The following GRIK4 variants were observed in gnomAD, a reference collection of about 807,000 sequenced individuals.
The protein encoded by GRIK4 is glutamate receptor ionotropic, kainate 4.
GRIK4 carries 40 observed loss-of-function variants against 104.9 expected under a neutral mutation model. That is an observed-to-expected ratio of 0.38 (90% CI 0.30 to 0.50). The LOEUF (loss-of-function observed/expected upper bound fraction) is 0.50, where lower values mean the gene tolerates loss of function less well. Among genes scored for constraint, GRIK4 ranks in the 20% least tolerant of loss-of-function variants. The pLI, the probability that GRIK4 is intolerant of heterozygous loss-of-function variation, is 0.93. For synonymous variants in GRIK4, 485 were observed against 524.9 expected (o/e 0.92, Z 1.04); for missense variants, 1,047 against 1,308.1 (o/e 0.80, Z 3.08).
intron 1 of GRIK4, among the ~76,000 whole-genome samples, chr11:120,570,582 G>C (rs1206338031): frequency 6.6e-6 from 1 of 152,044 alleles, no homozygotes; most frequent in Admixed American, 6.6e-5. Flanking sequence ...TCAGCCTCCC[G>C]AGTAGCTGGG....
chr11:120,708,963 C>T (rs1473272316), intron 3 of GRIK4, among the ~76,000 whole-genome samples: 2 of 152,148 alleles, frequency 1.3e-5, no homozygotes, highest in African/African-American at 4.8e-5. Context: ...TAACCTTTAC[C>T]TGGTCTGGCC....
intron 1 of GRIK4, among the ~76,000 whole-genome samples, chr11:120,649,655 G>T (rs2000872): frequency 2.6e-5 from 4 of 151,918 alleles, no homozygotes; most frequent in African/African-American, 7.3e-5. Context: ...AGGCTGAGAA[G>T]CCCAGCTCTT....
At chr11:120,949,097 A>C (rs1943937100) in intron 14 of GRIK4, among the ~76,000 whole-genome samples, 2 of 152,192 alleles carry the variant, frequency 1.3e-5, no homozygotes, top group Admixed American at 1.3e-4. Flanking sequence ...TTCTTCCGAG[A>C]ATGTCATTTC....
At chr11:120,578,438 G>T (rs1948516641) in intron 1 of GRIK4, among the ~76,000 whole-genome samples, 1 of 152,160 alleles carries the variant, frequency 6.6e-6, no homozygotes, top group Non-Finnish European at 1.5e-5. Context: ...ACACCAAGAG[G>T]TTCTGCCACA....
At chr11:120,620,955 C>T (rs1021409203) in intron 1 of GRIK4, among the ~76,000 whole-genome samples, 2 of 152,174 alleles carry the variant, frequency 1.3e-5, no homozygotes, top group African/African-American at 4.8e-5. Flanking sequence ...AGTCACTTGC[C>T]CACGATCATG....
chr11:120,752,545 C>G (rs1229584220), intron 3 of GRIK4, among the ~76,000 whole-genome samples: 1 of 152,232 alleles, frequency 6.6e-6, no homozygotes, highest in Non-Finnish European at 1.5e-5. Flanking sequence ...TTCTCACAGT[C>G]AAAGAGAGTT....
intron 1 of GRIK4, among the ~76,000 whole-genome samples, chr11:120,596,735 T>A (rs549245816): frequency 6.6e-6 from 1 of 151,926 alleles, no homozygotes. Context: ...TGTTTTTGTT[T>A]TTTTTTTTAG....
At chr11:120,854,416 C>T (rs1004565700) in intron 8 of GRIK4, among the ~76,000 whole-genome samples, 2 of 152,194 alleles carry the variant, frequency 1.3e-5, no homozygotes, top group African/African-American at 2.4e-5. Context: ...TGGGTGCAAG[C>T]GTTAACACTT....
intron 12 of GRIK4, among the ~76,000 whole-genome samples, chr11:120,899,776 C>T (rs1316375735): frequency 6.6e-6 from 1 of 152,146 alleles, no homozygotes; most frequent in African/African-American, 2.4e-5. Flanking sequence ...AGCACTTTTC[C>T]CTGCCTGGCC....
chr11:120,609,278 C>CT (rs781650048), intron 1 of GRIK4, among the ~76,000 whole-genome samples: 176 of 144,414 alleles, frequency 1.2e-3, no homozygotes, highest in African/African-American at 1.7e-3. Context: ...CTGTTTCAGA[C>CT]TTTTTTTTTT....
intron 1 of GRIK4, chr11:120,620,000 A>C: frequency 1.9e-6 from 1 of 512,872 alleles, no homozygotes. Context: ...GAGTTTGGGA[A>C]TCTCGGTGGA....
At chr11:120,674,660 A>G (rs541952172) in intron 3 of GRIK4, among the ~76,000 whole-genome samples, 191 of 152,382 alleles carry the variant, frequency 1.3e-3, no homozygotes, top group African/African-American at 4.5e-3. Context: ...CCAGTTATCT[A>G]GCAACAGTTA....
At chr11:120,958,702 C>T (rs145446179) in intron 16 of GRIK4, among the ~76,000 whole-genome samples, 2 of 152,346 alleles carry the variant, frequency 1.3e-5, no homozygotes, top group Non-Finnish European at 2.9e-5. Context: ...TGCACTGAGC[C>T]GCTTGTGCCC....
At chr11:120,798,508 A>G (rs1482087810) in intron 3 of GRIK4, among the ~76,000 whole-genome samples, 2 of 150,868 alleles carry the variant, frequency 1.3e-5, no homozygotes, top group East Asian at 3.9e-4. Context: ...AGACAATCTC[A>G]CTCTGTCGAC....
At position 120,633,666 on chromosome 11, in the gene GRIK4, G is replaced by A. The variant is rs538353676; in HGVS notation, c.-158-20019G>A. On this transcript the variant is annotated intron_variant, in intron 1 of 20. Coordinates refer to ENST00000527524, the MANE Select transcript of GRIK4 (RefSeq NM_014619.5). ...GTAAAGAGGGAAATGAAAGCCACAG[G>A]TCCCCTCAAATGAAAGGGGATGGGC... Among the ~76,000 whole-genome samples the A allele has an allele frequency of 2.0e-5, 3 of 152,294 alleles. No homozygotes were observed. In the South Asian group the frequency reaches 6.2e-4, roughly 32 times the overall value.
At chr11:120,872,107 T>C (rs887742830) in intron 9 of GRIK4, 7 of 349,910 alleles carry the variant, frequency 2.0e-5, no homozygotes, top group Admixed American at 1.9e-4. Flanking sequence ...TGTCTGGACC[T>C]GAGGGGGCAC....
At chr11:120,638,952 T>C (rs1011482391) in intron 1 of GRIK4, among the ~76,000 whole-genome samples, 1 of 151,988 alleles carries the variant, frequency 6.6e-6, no homozygotes, top group Non-Finnish European at 1.5e-5. Context: ...ATCCCAGCAC[T>C]TTGGGAGGCC....
intron 1 of GRIK4, among the ~76,000 whole-genome samples, chr11:120,609,415 G>T (rs901156842): frequency 1.0e-4 from 15 of 150,536 alleles, no homozygotes; most frequent in Admixed American, 3.3e-4. Flanking sequence ...TCCACTCCTG[G>T]CTGTTTGAGA....
At chr11:120,626,756 C>T (rs35181812) in intron 1 of GRIK4, among the ~76,000 whole-genome samples, 35,073 of 152,156 alleles carry the variant, frequency 0.23, 4,781 homozygotes, top group Non-Finnish European at 0.3. Flanking sequence ...CACACGATGT[C>T]TGGAAAACTC....
Sources: gnomAD v4.1 joint callset for allele counts (sites outside exome capture counted in the v4.1 genomes callset) on GRCh38, gnomAD v4.1.1 for gene constraint, MANE v1.5 for transcripts, NCBI Gene and HGNC (gene_info 2026-07-23, HGNC 2026-07-21) for gene names.